Variants in PLCG2 observed in about 807,000 individuals in gnomAD.
PLCG2 encodes the protein 1-phosphatidylinositol 4,5-bisphosphate phosphodiesterase gamma-2.
PLCG2 carries 69 observed loss-of-function variants against 175.6 expected under a neutral mutation model. The observed-to-expected ratio is 0.39, with a 90% CI of 0.32 to 0.48. The LOEUF is 0.48. PLCG2 is among the 20% of genes least tolerant of loss of function. The pLI is 0.91. For missense variants in PLCG2, 1,798 were observed against 1,650.9 expected (o/e 1.09, Z -1.54); for synonymous variants, 827 against 624.0 (o/e 1.33, Z -4.85).
chr16:81,893,453 C>G (rs552193116), intron 11 of PLCG2, among the ~76,000 whole-genome samples: 152 of 152,382 alleles, frequency 1.0e-3, no homozygotes, highest in Non-Finnish European at 1.5e-3. Flanking sequence ...AACACGTCCT[C>G]TCCACGCTTG....
chr16:81,929,757 G>A (rs1910424378), intron 24 of PLCG2, among the ~76,000 whole-genome samples: 1 of 152,226 alleles, frequency 6.6e-6, no homozygotes, highest in Non-Finnish European at 1.5e-5. Flanking sequence ...ATAGGTAGGA[G>A]AGGGATTCTT....
chr16:81,804,938 T>G (rs908763852), intron 2 of PLCG2, among the ~76,000 whole-genome samples: 1 of 152,210 alleles, frequency 6.6e-6, no homozygotes, highest in African/African-American at 2.4e-5. Context: ...CATGTGATCA[T>G]GTGTATGGGT....
At chr16:81,937,734 G>T (rs759879588) in intron 27 of PLCG2, 24 bp from the exon 28 acceptor site, 1 of 1,608,562 alleles carries the variant, frequency 6.2e-7, no homozygotes, top group African/African-American at 1.3e-5. Flanking sequence ...CTGACTTACA[G>T]CAGGCGTTCA....
rs1312601525 is a variant in PLCG2 at position 81,960,500 on chromosome 16, G to A, written c.*2502G>A. ...ATTACAAGGAAAAATAAAGTGGGGA[G>A]GCTGGTTAGGCCTTGTGAGTTTGGG... On this transcript the variant is annotated 3_prime_UTR_variant, in exon 33 of 33. Transcript: ENST00000564138. 4.3e-6 allele frequency: 1 copy of A among 231,256 alleles called. No homozygotes were observed. The highest frequency in any genetic ancestry group is 6.1e-5 in the East Asian group (1 of 16,268). The allele number at this position is 231,256 out of a possible 1,614,324, so 14.3% of individuals were successfully genotyped here. A position where few individuals can be genotyped will look rare whatever the true frequency, so the allele number is the denominator to read the frequency against.
chr16:81,744,603 G>GT (rs11435815), intron 1 of PLCG2, among the ~76,000 whole-genome samples: 126,323 of 151,776 alleles, frequency 0.83, 55,388 homozygotes, highest in East Asian at 1. Context: ...AGGCAAGTTT[G>GT]TTTTTTTTAA....
intron 2 of PLCG2, among the ~76,000 whole-genome samples, chr16:81,834,206 G>A (rs1470336895): frequency 3.3e-5 from 5 of 152,150 alleles, no homozygotes; most frequent in African/African-American, 1.2e-4. Flanking sequence ...TTGGTGGGAG[G>A]ATTAAAGAGA....
At chr16:81,906,821 C>T (rs1479172107) in intron 15 of PLCG2, among the ~76,000 whole-genome samples, 4 of 152,146 alleles carry the variant, frequency 2.6e-5, no homozygotes, top group East Asian at 1.9e-4. Flanking sequence ...AGGCAGATTA[C>T]GAGGTCAGGA....
intron 22 of PLCG2, among the ~76,000 whole-genome samples, chr16:81,925,614 G>T (rs2143697819): frequency 6.6e-6 from 1 of 152,318 alleles, no homozygotes; most frequent in East Asian, 1.9e-4. Flanking sequence ...TCAGCCGGGT[G>T]CAGTGACTTG....
At chr16:81,778,234 G>T (rs1910542118), upstream of PLCG2, among the ~76,000 whole-genome samples, 1 of 151,946 alleles carries the variant, frequency 6.6e-6, no homozygotes, top group South Asian at 2.1e-4. Flanking sequence ...TTAGCCAAGT[G>T]TGGTGTGCCT....
At chr16:81,828,685 G>T (rs77428584) in intron 2 of PLCG2, among the ~76,000 whole-genome samples, 1 of 152,136 alleles carries the variant, frequency 6.6e-6, no homozygotes, top group Non-Finnish European at 1.5e-5. Flanking sequence ...TATAAAAGTC[G>T]TCTGAGACTC....
intron 31 of PLCG2, among the ~76,000 whole-genome samples, chr16:81,948,372 A>C (rs1191054069): frequency 6.6e-6 from 1 of 152,108 alleles, no homozygotes; most frequent in African/African-American, 2.4e-5. Flanking sequence ...TTCCATGGGC[A>C]AACTGGCCAT....
At chr16:81,854,365 C>T in intron 2 of PLCG2, 79 bp from the exon 3 acceptor site, 1 of 1,336,500 alleles carries the variant, frequency 7.5e-7, no homozygotes, top group South Asian at 1.2e-5. Context: ...CAGGCTGTGC[C>T]TGGGCTGCAG....
intron 1 of PLCG2, among the ~76,000 whole-genome samples, chr16:81,783,658 C>T (rs940020062): frequency 2.6e-5 from 4 of 152,126 alleles, no homozygotes; most frequent in Admixed American, 2.6e-4. Flanking sequence ...ATAAATGAGA[C>T]GAACCAGACA....
intron 2 of PLCG2, among the ~76,000 whole-genome samples, chr16:81,829,350 C>G (rs988550624): frequency 6.6e-6 from 1 of 152,188 alleles, no homozygotes; most frequent in Non-Finnish European, 1.5e-5. Context: ...TTCAGGTGAT[C>G]TGCCCGCCTC....
intron 30 of PLCG2, 55 bp from the exon 31 acceptor site, chr16:81,946,120 C>A (rs919013927): frequency 2.9e-6 from 4 of 1,402,522 alleles, no homozygotes; most frequent in South Asian, 1.2e-5. Context: ...CAAAAAAAAT[C>A]TAAGGTCTGA....
chr16:81,927,986 T>G (rs4243224), intron 23 of PLCG2, among the ~76,000 whole-genome samples: 104,979 of 151,776 alleles, frequency 0.69, 36,867 homozygotes, highest in East Asian at 0.82. Context: ...GGGGGTGGGG[T>G]TTGGGGTGGT....
chr16:81,916,857 C>G (rs576702464), intron 19 of PLCG2, among the ~76,000 whole-genome samples: 1 of 152,054 alleles, frequency 6.6e-6, no homozygotes, highest in Non-Finnish European at 1.5e-5. Flanking sequence ...AGGCTGGTAT[C>G]GAACTGCTGA....
chr16:81,882,803 C>T (rs953997899), intron 8 of PLCG2, among the ~76,000 whole-genome samples: 1 of 152,250 alleles, frequency 6.6e-6, no homozygotes, highest in East Asian at 1.9e-4. Context: ...CATCCCACCT[C>T]ACTCTCTGGA....
intron 2 of PLCG2, among the ~76,000 whole-genome samples, chr16:81,837,867 A>G (rs1905606842): frequency 6.6e-6 from 1 of 152,120 alleles, no homozygotes; most frequent in African/African-American, 2.4e-5. Flanking sequence ...CAGCCAGGAT[A>G]TTAACATTCA....
Sources: gnomAD v4.1 joint callset for allele counts (sites outside exome capture counted in the v4.1 genomes callset) on GRCh38, gnomAD v4.1.1 for gene constraint, MANE v1.5 for transcripts, NCBI Gene and HGNC (gene_info 2026-07-23, HGNC 2026-07-21) for gene names.